The following ST3GAL5 variants were observed in gnomAD, a reference collection of about 807,000 sequenced individuals.
ST3GAL5 encodes lactosylceramide alpha-2,3-sialyltransferase.
A neutral mutation model predicts 46.1 loss-of-function variants in ST3GAL5; 25 were observed. That is an observed-to-expected ratio of 0.54 (90% confidence interval 0.40 to 0.76). ST3GAL5 has a LOEUF of 0.76. Among genes scored for constraint, ST3GAL5 ranks in the 30% least tolerant of loss-of-function variants. The pLI is 0.00. For synonymous variants in ST3GAL5, 182 were observed against 192.7 expected, an observed-to-expected ratio of 0.94 and a Z score of 0.46; for missense variants, 431 against 521.2, an observed-to-expected ratio of 0.83 and a Z score of 1.69.
intron 1 of ST3GAL5, among the ~76,000 whole-genome samples, chr2:85,871,586 G>T (rs1272629769): frequency 1.3e-5 from 2 of 152,188 alleles, no homozygotes. Context: ...GATATTTATT[G>T]AGAGGGATAA....
In ST3GAL5 at chr2:85,839,637, G is replaced by A; in HGVS notation, c.*507C>T. On this transcript the variant is annotated 3_prime_UTR_variant, in exon 7 of 7. Transcript: ENST00000638572. Reference sequence around the variant, plus strand: ...TTGTGACCTTCTCCAACCAGCCCAGGCCTCACGCCGCTGCATCGCAGACCC... The same window carrying A: ...TTGTGACCTTCTCCAACCAGCCCAGACCTCACGCCGCTGCATCGCAGACCC... 4.7e-6 allele frequency: 1 copy of A among 213,380 alleles called. No individual in the cohort carries two copies. The highest frequency in any genetic ancestry group is 6.9e-5 in the South Asian group (1 of 14,442). 13.2% of individuals were successfully genotyped at this position (213,380 alleles called of 1,614,324 possible). A position where few individuals can be genotyped will look rare whatever the true frequency, so the allele number is the denominator to read the frequency against.
At chr2:85,861,439 G>C (rs1460634784) in intron 2 of ST3GAL5, 147 bp from the exon 3 acceptor site, 1 of 668,036 alleles carries the variant, frequency 1.5e-6, no homozygotes, top group African/African-American at 1.8e-5. Flanking sequence ...TGAAAGGAAG[G>C]GGCCATTTCC....
intron 2 of ST3GAL5, 61 bp downstream of exon 2, chr2:85,863,301 T>C (rs1436442460): frequency 2.5e-6 from 4 of 1,611,406 alleles, no homozygotes; most frequent in Non-Finnish European, 3.4e-6. Context: ...TGAATTTTTC[T>C]CCTAGTTCTA....
intron 1 of ST3GAL5, among the ~76,000 whole-genome samples, chr2:85,879,410 T>G (rs2104216790): frequency 6.6e-6 from 1 of 152,274 alleles, no homozygotes; most frequent in East Asian, 1.9e-4. Context: ...CTCAAAATGA[T>G]TTAATGGTGA....
chr2:85,853,048 GC>G (rs1683706762), intron 3 of ST3GAL5: 10 of 1,304,082 alleles, frequency 7.7e-6, no homozygotes, highest in Non-Finnish European at 1.0e-5. Flanking sequence ...AGTCCATCTG[GC>G]CATAATTAAC....
intron 1 of ST3GAL5, among the ~76,000 whole-genome samples, chr2:85,872,262 G>A (rs1175228676): frequency 2.0e-5 from 3 of 152,168 alleles, no homozygotes; most frequent in African/African-American, 7.2e-5. Context: ...ATCAGAGAAA[G>A]AAATAGGAAT....
chr2:85,861,798 T>C (rs1027347520), intron 2 of ST3GAL5, among the ~76,000 whole-genome samples: 10 of 151,676 alleles, frequency 6.6e-5, no homozygotes, highest in Admixed American at 6.6e-4. Context: ...ATCTGATAAA[T>C]TCACACTATT....
chr2:85,837,626 A>G lies in ST3GAL5; in HGVS notation c.*2518T>C, dbSNP rs992979891. ...AAATATTTAATGTGACAGATATCCC[A>G]GTTACACAGATTTGCTCCTTATAAT... On this transcript the variant is annotated 3_prime_UTR_variant, in exon 7 of 7. Transcript: ENST00000638572. 6.6e-6 allele frequency: 1 copy of G among 152,240 alleles called. No individual in the cohort carries two copies. Among genetic ancestry groups the G allele is most frequent in the African/African-American group, 2.4e-5 (1 of 41,456 alleles). 9.4% of individuals were successfully genotyped at this position (152,240 alleles called of 1,614,324 possible). A position where few individuals can be genotyped will look rare whatever the true frequency, so the allele number is the denominator to read the frequency against.
intron 1 of ST3GAL5, among the ~76,000 whole-genome samples, chr2:85,880,614 A>C (rs1233273098): frequency 6.6e-6 from 1 of 152,148 alleles, no homozygotes; most frequent in Admixed American, 6.5e-5. Flanking sequence ...ACCTTAGGTC[A>C]GGAGTTCAAG....
intron 1 of ST3GAL5, among the ~76,000 whole-genome samples, chr2:85,872,129 G>A (rs945809237): frequency 2.0e-5 from 3 of 152,132 alleles, no homozygotes; most frequent in Admixed American, 1.3e-4. Flanking sequence ...TGAGGGGGAC[G>A]GGGAAGGAAT....
At chr2:85,851,843 C>T (rs1194486907) in intron 3 of ST3GAL5, 28 of 561,888 alleles carry the variant, frequency 5.0e-5, no homozygotes, top group East Asian at 1.4e-4. Flanking sequence ...GTGACTCTCT[C>T]GTAAAATACA....
intron 1 of ST3GAL5, chr2:85,867,764 G>A (rs558212094): frequency 6.6e-5 from 47 of 712,702 alleles, no homozygotes; most frequent in South Asian, 4.8e-4. Flanking sequence ...AGAATTTGCC[G>A]AAGGGCAGGA....
At chr2:85,862,877 G>A (rs1023924466) in intron 2 of ST3GAL5, among the ~76,000 whole-genome samples, 9 of 152,146 alleles carry the variant, frequency 5.9e-5, no homozygotes, top group African/African-American at 2.2e-4. Context: ...TGTAAAAAAA[G>A]ACACCTGCCA....
At chr2:85,852,820 T>TA (rs1683672636) in intron 3 of ST3GAL5, 1 of 1,249,024 alleles carries the variant, frequency 8.0e-7, no homozygotes, top group Non-Finnish European at 1.1e-6. Flanking sequence ...TCGTCTTTGT[T>TA]AAAGCATTTC....
At chr2:85,860,191 C>T (rs1175176615) in intron 3 of ST3GAL5, among the ~76,000 whole-genome samples, 1 of 152,186 alleles carries the variant, frequency 6.6e-6, no homozygotes, top group Non-Finnish European at 1.5e-5. Context: ...TAGAACAGTT[C>T]CTGGCACACG....
chr2:85,888,096 G>A (rs1357578645), intron 1 of ST3GAL5: 10 of 152,152 alleles, frequency 6.6e-5, no homozygotes, highest in Non-Finnish European at 1.3e-4. Flanking sequence ...GCCATCGGCA[G>A]GGTAAGCTTC....
At chr2:85,857,207 T>C (rs1362837539) in intron 3 of ST3GAL5, among the ~76,000 whole-genome samples, 1 of 151,388 alleles carries the variant, frequency 6.6e-6, no homozygotes, top group East Asian at 2.0e-4. Context: ...ATCGGGCCAC[T>C]GCACTTCAGC....
intron 1 of ST3GAL5, among the ~76,000 whole-genome samples, chr2:85,873,195 T>TA (rs1686146059): frequency 6.6e-6 from 1 of 152,096 alleles, no homozygotes; most frequent in Non-Finnish European, 1.5e-5. Flanking sequence ...ACTGACATGT[T>TA]AAAGGCTGGC....
chr2:85,844,602 G>A, intron 5 of ST3GAL5, 48 bp from the exon 6 acceptor site: 1 of 1,611,326 alleles, frequency 6.2e-7, no homozygotes, highest in Non-Finnish European at 8.5e-7. Context: ...TAGGGGAGGG[G>A]AGAAAGCATT....
Sources: gnomAD v4.1 joint callset for allele counts (sites outside exome capture counted in the v4.1 genomes callset) on GRCh38, gnomAD v4.1.1 for gene constraint, MANE v1.5 for transcripts, NCBI Gene and HGNC (gene_info 2026-07-23, HGNC 2026-07-21) for gene names.